The following MCM3 variants were observed in gnomAD, a reference collection of about 807,000 sequenced individuals.
MCM3 encodes minichromosome maintenance complex component 3, also known as DNA replication licensing factor MCM3.
MCM3 carries 59 observed loss-of-function variants against 91.3 expected under a neutral mutation model. That is an observed-to-expected ratio of 0.65 (90% confidence interval 0.52 to 0.80). The LOEUF (loss-of-function observed/expected upper bound fraction) is 0.80, where lower values mean the gene tolerates loss of function less well. Among genes scored for constraint, MCM3 ranks in the 30% least tolerant of loss-of-function variants. The pLI is 0.00. For synonymous variants in MCM3, 383 were observed against 379.6 expected (o/e 1.01, Z -0.10); for missense variants, 919 against 1,035.4 (o/e 0.89, Z 1.54).
At position 52,277,203 on chromosome 6, in the gene MCM3, A is replaced by C; in HGVS notation, c.1034-5T>G. On this transcript the variant is annotated splice_polypyrimidine_tract_variant and splice_region_variant and intron_variant, in intron 7 of 16. Transcript: ENST00000596288. ...ACTTGGCAACGGATGGGTCTCCTGT[A>C]GGGTGGGGGCAGTGATGACTCTCTA... 6.2e-7 allele frequency: 1 copy of C among 1,611,860 alleles called. No individual in the cohort carries two copies. Among genetic ancestry groups the C allele is most frequent in the Non-Finnish European group, 8.5e-7 (1 of 1,179,266 alleles).
intron 15 of MCM3, 86 bp from the exon 16 acceptor site, chr6:52,266,230 C>T: frequency 3.0e-6 from 3 of 994,772 alleles, no homozygotes; most frequent in Non-Finnish European, 4.9e-6. Flanking sequence ...ATCTCCACTC[C>T]CAATCTCTCA....
At position 52,276,332 on chromosome 6, in the gene MCM3, C is replaced by A. The variant is rs183472066; in HGVS notation, c.1310G>T (p.Gly437Val). 325 of 1,613,576 alleles carry A rather than the reference C, an allele frequency of 2.0e-4. 3 individuals carry two copies. In the East Asian group the frequency reaches 7.2e-3, roughly 36 times the overall value. Residue 437 changes from glycine to valine, a missense_variant, in exon 9 of 17, where the codon GGC becomes GTC. Gly to Val is a moderately radical substitution (Grantham distance 109). Transcript: ENST00000596288. ...EQGRVTIAKA[G>V]IHARLNARCS... The stretch of plus-strand genomic sequence containing the variant: ...GCGGGCATTCAGCCGAGCATGGATG[C>A]CAGCCTTGGCAATGGTCACTCGACC...
At chr6:52,270,973 A>C (rs11961108) in intron 12 of MCM3, among the ~76,000 whole-genome samples, 6,261 of 151,894 alleles carry the variant, frequency 0.041, 441 homozygotes, top group African/African-American at 0.14. Context: ...AGCACTTTGG[A>C]AGGCCGAGAT....
At chr6:52,272,519 G>A (rs1765223475) in intron 11 of MCM3, 68 bp from the exon 12 acceptor site, 13 of 1,583,018 alleles carry the variant, frequency 8.2e-6, no homozygotes, top group East Asian at 2.2e-5. Context: ...TAGTGGCTTT[G>A]CCTCTCAGAA....
intron 11 of MCM3, 135 bp from the exon 12 acceptor site, chr6:52,272,586 AC>A: frequency 1.3e-6 from 1 of 780,468 alleles, no homozygotes; most frequent in Non-Finnish European, 2.0e-6. Context: ...TTTATATGGA[AC>A]ATAGACAAGA....
At chr6:52,283,692 G>A (rs555199482) in intron 1 of MCM3, among the ~76,000 whole-genome samples, 2 of 152,334 alleles carry the variant, frequency 1.3e-5, no homozygotes, top group East Asian at 3.9e-4. Flanking sequence ...CTTTAGTGGA[G>A]AATTAAAATG....
intron 9 of MCM3, 94 bp downstream of exon 9, chr6:52,276,174 T>A: frequency 2.6e-6 from 3 of 1,161,010 alleles, no homozygotes; most frequent in Non-Finnish European, 3.7e-6. Flanking sequence ...TGGCCTATTA[T>A]TCCCCTGGGT....
chr6:52,273,483 A>T (rs1765303160), intron 10 of MCM3, 127 bp from the exon 11 acceptor site: 6 of 940,396 alleles, frequency 6.4e-6, no homozygotes, highest in Non-Finnish European at 9.5e-6. Flanking sequence ...AGAATCAGAC[A>T]CATGGAACCC....
intron 6 of MCM3, 93 bp from the exon 7 acceptor site, chr6:52,277,781 G>C: frequency 8.2e-7 from 1 of 1,224,168 alleles, no homozygotes; most frequent in Non-Finnish European, 1.2e-6. Context: ...GAAAATACTT[G>C]AAGAGGGCCA....
intron 14 of MCM3, among the ~76,000 whole-genome samples, chr6:52,267,652 C>T (rs1219771158): frequency 1.3e-5 from 2 of 151,948 alleles, no homozygotes; most frequent in South Asian, 2.1e-4. Context: ...CCCAGCCTAC[C>T]GAGCAGCTGG....
intron 10 of MCM3, 146 bp downstream of exon 10, chr6:52,273,596 A>C (rs920251250): frequency 3.7e-5 from 32 of 853,924 alleles, no homozygotes; most frequent in Non-Finnish European, 5.4e-5. Flanking sequence ...TCCACTAAGC[A>C]AGAAGGGGAG....
chr6:52,270,506 T>C (rs757642647), intron 12 of MCM3, among the ~76,000 whole-genome samples: 1 of 152,176 alleles, frequency 6.6e-6, no homozygotes, highest in Non-Finnish European at 1.5e-5. Context: ...TTTAAATTCA[T>C]TCATCAAATC....
At chr6:52,276,226 A>C (rs1481879154) in intron 9 of MCM3, 42 bp downstream of exon 9, 12 of 1,558,714 alleles carry the variant, frequency 7.7e-6, no homozygotes, top group Non-Finnish European at 9.6e-6. Context: ...CAGCAAAACC[A>C]AATGAAGGTG....
At chr6:52,266,032 T>C (rs1231578015) in intron 16 of MCM3, 43 bp downstream of exon 16, 3 of 1,562,392 alleles carry the variant, frequency 1.9e-6, no homozygotes, top group East Asian at 2.2e-5. Flanking sequence ...TCCTCAGCGA[T>C]ACACAGAATT....
At chr6:52,276,584 G>A (rs979232355) in intron 8 of MCM3, 108 bp from the exon 9 acceptor site, 2 of 940,752 alleles carry the variant, frequency 2.1e-6, no homozygotes, top group South Asian at 3.3e-5. Flanking sequence ...ACGTGAGAAT[G>A]CGGCAATGGT....
chr6:52,266,545 AG>A (rs1396699274), intron 15 of MCM3, 65 bp downstream of exon 15: 9 of 1,416,246 alleles, frequency 6.4e-6, no homozygotes, highest in Non-Finnish European at 9.0e-6. Flanking sequence ...TAAAGTGCAC[AG>A]AGCAACTGGA....
intron 4 of MCM3, among the ~76,000 whole-genome samples, chr6:52,280,336 C>A (rs1423600133): frequency 6.6e-6 from 1 of 152,206 alleles, no homozygotes; most frequent in Non-Finnish European, 1.5e-5. Flanking sequence ...AGTTTTACTT[C>A]CTTCACATTT....
At chr6:52,267,292 G>A (rs1487479621) in intron 14 of MCM3, among the ~76,000 whole-genome samples, 5 of 151,718 alleles carry the variant, frequency 3.3e-5, no homozygotes, top group Non-Finnish European at 5.9e-5. Flanking sequence ...TAGAGACAGG[G>A]TTTCACTGTT....
intron 4 of MCM3, among the ~76,000 whole-genome samples, chr6:52,281,664 A>G (rs1161815458): frequency 6.6e-6 from 1 of 152,018 alleles, no homozygotes; most frequent in South Asian, 2.1e-4. Flanking sequence ...TGAGAGAGAC[A>G]GATCCCGTCT....
Sources: gnomAD v4.1 joint callset for allele counts (sites outside exome capture counted in the v4.1 genomes callset) on GRCh38, gnomAD v4.1.1 for gene constraint, MANE v1.5 for transcripts, NCBI Gene and HGNC (gene_info 2026-07-23, HGNC 2026-07-21) for gene names.